MEIS1: variants seen among roughly 807,000 people sequenced by gnomAD.
The protein encoded by MEIS1 is homeobox protein Meis1.
In MEIS1, 5 loss-of-function variants were observed where a neutral mutation model predicts 50.8. That is an observed-to-expected ratio of 0.10 (90% CI 0.05 to 0.21). The LOEUF (loss-of-function observed/expected upper bound fraction) is 0.21, where lower values mean the gene tolerates loss of function less well. Ranked by LOEUF, MEIS1 falls within the 10% of genes least tolerant of loss-of-function variation. The pLI, the probability that MEIS1 is intolerant of heterozygous loss-of-function variation, is 1.00. For synonymous variants in MEIS1, 176 were observed against 179.3 expected, an observed-to-expected ratio of 0.98 and a Z score of 0.15; for missense variants, 318 against 517.3, an observed-to-expected ratio of 0.61 and a Z score of 3.74.
chr2:66,544,284 G>T (rs1674734582), intron 8 of MEIS1, among the ~76,000 whole-genome samples: 1 of 151,958 alleles, frequency 6.6e-6, no homozygotes, highest in African/African-American at 2.4e-5. Context: ...GTCTATAAAA[G>T]AATAACTCAT....
intron 8 of MEIS1, among the ~76,000 whole-genome samples, chr2:66,515,797 A>G (rs1409910859): frequency 6.6e-6 from 1 of 152,214 alleles, no homozygotes; most frequent in African/African-American, 2.4e-5. Context: ...AGAATTAGAA[A>G]GAAAATAAAG....
At chr2:66,509,430 C>T (rs1378815695) in intron 7 of MEIS1, among the ~76,000 whole-genome samples, 1 of 152,128 alleles carries the variant, frequency 6.6e-6, no homozygotes, top group African/African-American at 2.4e-5. Flanking sequence ...AATTTCCCTC[C>T]CAGATGGGAG....
intron 8 of MEIS1, among the ~76,000 whole-genome samples, chr2:66,534,876 T>A (rs923326760): frequency 1.8e-4 from 27 of 152,234 alleles, no homozygotes; most frequent in African/African-American, 6.5e-4. Context: ...GGGGCAAATG[T>A]CACTATTTAA....
chr2:66,449,606 T>C (rs768190127), intron 6 of MEIS1, among the ~76,000 whole-genome samples: 2 of 152,094 alleles, frequency 1.3e-5, no homozygotes, highest in Non-Finnish European at 2.9e-5. Context: ...CACTTGTAAA[T>C]TGGACATTTG....
At chr2:66,508,462 G>GA (rs1673738377) in intron 7 of MEIS1, among the ~76,000 whole-genome samples, 1 of 152,142 alleles carries the variant, frequency 6.6e-6, no homozygotes, top group Non-Finnish European at 1.5e-5. Context: ...CAATGAGGGG[G>GA]AAAAAAGAGA....
rs1417290343 is a variant in MEIS1 at position 66,440,503 on chromosome 2, A to C, written c.382-59A>C. On this transcript the variant is annotated intron_variant, in intron 3 of 12. Transcript: ENST00000272369. ...AAACTAGGAAGGCGACCAGATTTCA[A>C]ATTTTTCTTTCTTTTTTCTCTCCCC... 8.1e-6 allele frequency: 12 copies of C among 1,490,292 alleles called. No individual in the cohort carries two copies. The African/African-American group carries it at 9.7e-5, about 12-fold the overall frequency. The allele number at this position is 1,490,292 out of a possible 1,614,324, so 92.3% of individuals were successfully genotyped here.
At chr2:66,481,870 T>G (rs1462266585) in intron 7 of MEIS1, among the ~76,000 whole-genome samples, 1 of 148,226 alleles carries the variant, frequency 6.7e-6, no homozygotes, top group Non-Finnish European at 1.5e-5. Context: ...TTTTTTTTTT[T>G]TTTGAGACGG....
chr2:66,444,369 A>G (rs1249053163), intron 6 of MEIS1, among the ~76,000 whole-genome samples: 2 of 152,150 alleles, frequency 1.3e-5, no homozygotes, highest in Non-Finnish European at 2.9e-5. Flanking sequence ...CCTGGTTCTT[A>G]GTGTCATCTT....
intron 6 of MEIS1, among the ~76,000 whole-genome samples, chr2:66,459,392 C>G (rs1027569986): frequency 6.6e-6 from 1 of 152,122 alleles, no homozygotes; most frequent in Non-Finnish European, 1.5e-5. Context: ...GTAAGGACCT[C>G]AGATTGTATT....
chr2:66,509,642 T>C (rs1349905883), intron 7 of MEIS1, among the ~76,000 whole-genome samples: 1 of 152,192 alleles, frequency 6.6e-6, no homozygotes, highest in Non-Finnish European at 1.5e-5. Context: ...AAAATTCTGT[T>C]CCTAATGCTT....
At chr2:66,504,955 C>T (rs556980929) in intron 7 of MEIS1, among the ~76,000 whole-genome samples, 2 of 152,210 alleles carry the variant, frequency 1.3e-5, no homozygotes, top group South Asian at 4.1e-4. Context: ...ACAAGGAAGC[C>T]TTAAATATCT....
chr2:66,475,655 G>A (rs1300860030), intron 7 of MEIS1, among the ~76,000 whole-genome samples: 1 of 152,042 alleles, frequency 6.6e-6, no homozygotes, highest in African/African-American at 2.4e-5. Flanking sequence ...CAGAAGAATC[G>A]ATTTGACCAG....
rs533926214 is a variant in MEIS1, at chr2:66,460,739, T to TTTG, written c.631-3343_631-3341dup. ...AAGATTTTTTTTTCCCAACAACTTC[T>TTTG]TTGTTGTTGTTGTTGTTGTTGTTGT... On this transcript the variant is annotated intron_variant, in intron 6 of 12. Coordinates refer to ENST00000272369, the MANE Select transcript of MEIS1 (RefSeq NM_002398.3). Among the ~76,000 whole-genome samples the TTTG allele has an allele frequency of 4.9e-3, 739 of 151,814 alleles. 3 individuals carry two copies. Among genetic ancestry groups the TTTG allele is most frequent in the African/African-American group, 0.014 (585 of 41,396 alleles).
At chr2:66,492,843 T>A (rs1369891793) in intron 7 of MEIS1, among the ~76,000 whole-genome samples, 2 of 152,224 alleles carry the variant, frequency 1.3e-5, no homozygotes, top group Non-Finnish European at 2.9e-5. Context: ...ACTGGAAGTT[T>A]GTCTCATTGC....
Position 66,571,629 on chromosome 2 carries a change from A to T in MEIS1, c.*421A>T. 2 of 1,396,626 alleles carry T rather than the reference A, an allele frequency of 1.4e-6. No homozygotes were observed. Among genetic ancestry groups the T allele is most frequent in the Non-Finnish European group, 2.0e-6 (2 of 1,020,482 alleles). The allele number at this position is 1,396,626 out of a possible 1,614,324, so 86.5% of individuals were successfully genotyped here. On this transcript the variant is annotated 3_prime_UTR_variant, in exon 13 of 13. Coordinates refer to ENST00000272369, the MANE Select transcript of MEIS1 (RefSeq NM_002398.3). ...CATTCTTGGCATCTACTCTGGACCA[A>T]GGAGCATCCCTAATTCTTCATAGGG...
chr2:66,517,068 G>A (rs1673988502), intron 8 of MEIS1, among the ~76,000 whole-genome samples: 1 of 151,964 alleles, frequency 6.6e-6, no homozygotes, highest in Non-Finnish European at 1.5e-5. Flanking sequence ...TCTTTTTATT[G>A]CCCACCTCTG....
At chr2:66,546,545 A>C (rs974673518) in intron 8 of MEIS1, among the ~76,000 whole-genome samples, 12 of 152,166 alleles carry the variant, frequency 7.9e-5, no homozygotes, top group Admixed American at 3.9e-4. Context: ...GCCTCTGTCC[A>C]TCTCTTCCCC....
At chr2:66,440,432 C>G (rs891050442) in intron 3 of MEIS1, 130 bp from the exon 4 acceptor site, 14 of 771,556 alleles carry the variant, frequency 1.8e-5, no homozygotes, top group Non-Finnish European at 3.2e-5. Context: ...TCACCGGGTC[C>G]CTCCCGGAGG....
intron 9 of MEIS1, among the ~76,000 whole-genome samples, chr2:66,549,822 G>A (rs1674876448): frequency 6.6e-6 from 1 of 152,256 alleles, no homozygotes; most frequent in African/African-American, 2.4e-5. Context: ...CATAAACACA[G>A]TTACCAGAGA....
Sources: gnomAD v4.1 joint callset for allele counts (sites outside exome capture counted in the v4.1 genomes callset) on GRCh38, gnomAD v4.1.1 for gene constraint, MANE v1.5 for transcripts, NCBI Gene and HGNC (gene_info 2026-07-23, HGNC 2026-07-21) for gene names.